The following EPB41 variants were observed in gnomAD, a reference collection of about 807,000 sequenced individuals.
EPB41 encodes erythrocyte membrane protein band 4.1.
Under a neutral mutation model 108.0 loss-of-function variants are expected in EPB41, and 65 were observed. That is an observed-to-expected ratio of 0.60 (90% CI 0.49 to 0.74). The LOEUF is 0.74. EPB41 is among the 30% of genes least tolerant of loss of function. EPB41 has a pLI of 0.00. For synonymous variants in EPB41, 336 were observed against 358.9 expected, an observed-to-expected ratio of 0.94 and a Z score of 0.72; for missense variants, 875 against 1,037.0, an observed-to-expected ratio of 0.84 and a Z score of 2.15.
At chr1:29,002,571 G>A (rs913152199) in intron 4 of EPB41, among the ~76,000 whole-genome samples, 3 of 152,086 alleles carry the variant, frequency 2.0e-5, no homozygotes, top group Admixed American at 6.6e-5. Flanking sequence ...AGCATCCTTC[G>A]GGTTGAATAT....
chr1:28,910,795 G>C (rs568866715), upstream of EPB41, among the ~76,000 whole-genome samples: 161 of 151,996 alleles, frequency 1.1e-3, no homozygotes, highest in Non-Finnish European at 1.6e-3. Flanking sequence ...TGCTCCAGGG[G>C]CTAACAGGCA....
intron 11 of EPB41, among the ~76,000 whole-genome samples, chr1:29,047,561 G>A (rs1006573723): frequency 5.3e-5 from 8 of 151,370 alleles, no homozygotes; most frequent in Non-Finnish European, 8.8e-5. Context: ...GCCTAGTTGT[G>A]TTTTTCTAGG....
At chr1:29,042,254 C>G (rs1051027151) in intron 11 of EPB41, among the ~76,000 whole-genome samples, 7 of 152,086 alleles carry the variant, frequency 4.6e-5, no homozygotes, top group Non-Finnish European at 1.0e-4. Flanking sequence ...GAGCTAGGTG[C>G]AAGAGATATT....
At chr1:28,925,455 A>C (rs1160191147) in intron 1 of EPB41, among the ~76,000 whole-genome samples, 1 of 152,248 alleles carries the variant, frequency 6.6e-6, no homozygotes, top group East Asian at 1.9e-4. Flanking sequence ...TAAATGTATA[A>C]ATCAGGGATA....
At chr1:29,077,705 G>A (rs1161129338) in intron 16 of EPB41, among the ~76,000 whole-genome samples, 1 of 152,046 alleles carries the variant, frequency 6.6e-6, no homozygotes, top group African/African-American at 2.4e-5. Flanking sequence ...AAATATTTTA[G>A]GCTTTGCAGG....
rs1156632815 is a variant in EPB41 at position 28,967,867 on chromosome 1, T to A, written c.-7-19564T>A. ...TCGCCCAGGCTGGAGTGCAGTGGTG[T>A]GATCTCAGCTCACTGCAACCTCTGC... On this transcript the variant is annotated intron_variant, in intron 1 of 20. Transcript: ENST00000343067. Among the ~76,000 whole-genome samples, 22 of 149,908 alleles carry A rather than the reference T, an allele frequency of 1.5e-4. 1 individual carries two copies. In the Admixed American group the frequency reaches 1.5e-3, roughly 10 times the overall value.
intron 1 of EPB41, among the ~76,000 whole-genome samples, chr1:28,962,770 C>T (rs926719828): frequency 2.0e-5 from 3 of 152,190 alleles, no homozygotes; most frequent in Admixed American, 6.5e-5. Flanking sequence ...CATTGCCCCT[C>T]AGTTTAGGTC....
chr1:29,042,684 G>A (rs932372329), intron 11 of EPB41, among the ~76,000 whole-genome samples: 1 of 151,912 alleles, frequency 6.6e-6, no homozygotes, highest in Admixed American at 6.6e-5. Flanking sequence ...TCACCATGTT[G>A]GCTAGGCTAG....
chr1:29,043,890 G>A (rs1241297184), intron 11 of EPB41, among the ~76,000 whole-genome samples: 1 of 152,206 alleles, frequency 6.6e-6, no homozygotes, highest in Non-Finnish European at 1.5e-5. Context: ...TACATTTGGA[G>A]ATAGGGCTGA....
chr1:28,949,091 T>C (rs1187227464), intron 1 of EPB41, among the ~76,000 whole-genome samples: 1 of 152,222 alleles, frequency 6.6e-6, no homozygotes, highest in Non-Finnish European at 1.5e-5. Context: ...CCATTCATTC[T>C]CCTGCCTTCC....
chr1:28,950,359 T>G (rs998194736), intron 1 of EPB41, among the ~76,000 whole-genome samples: 4 of 152,244 alleles, frequency 2.6e-5, no homozygotes, highest in Non-Finnish European at 4.4e-5. Flanking sequence ...TGTTTAACTT[T>G]AGGACCAGAC....
chr1:29,004,590 C>T (rs749721297), intron 4 of EPB41, among the ~76,000 whole-genome samples: 11 of 152,094 alleles, frequency 7.2e-5, no homozygotes, highest in East Asian at 1.9e-4. Flanking sequence ...ATTAGAAAGA[C>T]GAAGGGGAAT....
chr1:29,109,600 C>T (rs1036652792), intron 18 of EPB41, 163 bp downstream of exon 18: 2 of 685,840 alleles, frequency 2.9e-6, no homozygotes, highest in African/African-American at 3.5e-5. Context: ...CTGCTGCCTT[C>T]CCCAGCAATA....
chr1:29,023,756 A>G (rs760859681), intron 7 of EPB41, among the ~76,000 whole-genome samples: 4 of 151,976 alleles, frequency 2.6e-5, no homozygotes, highest in Non-Finnish European at 5.9e-5. Context: ...TGTTAAGAGA[A>G]TAAAGAGGTC....
chr1:29,072,940 A>G, intron 16 of EPB41: 1 of 151,996 alleles, frequency 6.6e-6, no homozygotes, highest in Non-Finnish European at 1.5e-5. Context: ...GTGAAACCCC[A>G]CCTATACTAA....
upstream of EPB41, among the ~76,000 whole-genome samples, chr1:28,909,606 C>T (rs993517483): frequency 6.6e-6 from 1 of 151,910 alleles, no homozygotes. Context: ...GACTAGTCTC[C>T]ACAACATAGG....
intron 1 of EPB41, among the ~76,000 whole-genome samples, chr1:28,918,432 A>G (rs12562688): frequency 0.12 from 18,040 of 152,150 alleles, 1,379 homozygotes; most frequent in East Asian, 0.37. Context: ...TGCTACCTCT[A>G]TATTTGAATT....
chr1:28,898,581 A>C (rs1453231211), intron 1 of EPB41, among the ~76,000 whole-genome samples: 3 of 152,250 alleles, frequency 2.0e-5, no homozygotes, highest in Non-Finnish European at 1.5e-5. Context: ...AGCCATCATT[A>C]TTTAGACTCC....
intron 1 of EPB41, among the ~76,000 whole-genome samples, chr1:28,896,731 G>A (rs771211182): frequency 6.6e-6 from 1 of 152,256 alleles, no homozygotes; most frequent in Non-Finnish European, 1.5e-5. Flanking sequence ...TCACTGGATA[G>A]TAAGCAGGGA....
Sources: gnomAD v4.1 joint callset for allele counts (sites outside exome capture counted in the v4.1 genomes callset) on GRCh38, gnomAD v4.1.1 for gene constraint, MANE v1.5 for transcripts, NCBI Gene and HGNC (gene_info 2026-07-23, HGNC 2026-07-21) for gene names.